The following ST6GALNAC3 variants were observed in gnomAD, a reference collection of about 807,000 sequenced individuals.
ST6GALNAC3 encodes alpha-N-acetylgalactosaminide alpha-2,6-sialyltransferase 3.
Under a neutral mutation model 32.7 loss-of-function variants are expected in ST6GALNAC3, and 25 were observed. That is an observed-to-expected ratio of 0.76 (90% CI 0.56 to 1.07). The LOEUF (loss-of-function observed/expected upper bound fraction) is 1.07, where lower values mean the gene tolerates loss of function less well. ST6GALNAC3 is among the 50% of genes least tolerant of loss of function. The pLI, the probability that ST6GALNAC3 is intolerant of heterozygous loss-of-function variation, is 0.00. For missense variants in ST6GALNAC3, 355 were observed against 382.4 expected (o/e 0.93, Z 0.60); for synonymous variants, 129 against 133.1 (o/e 0.97, Z 0.21).
intron 3 of ST6GALNAC3, among the ~76,000 whole-genome samples, chr1:76,502,538 T>C (rs1661233991): frequency 1.3e-5 from 2 of 152,140 alleles, no homozygotes; most frequent in Admixed American, 1.3e-4. Context: ...TTTCACTATA[T>C]CTCTTCACAT....
intron 3 of ST6GALNAC3, among the ~76,000 whole-genome samples, chr1:76,533,610 C>T (rs1663405314): frequency 6.6e-6 from 1 of 152,174 alleles, no homozygotes; most frequent in South Asian, 2.1e-4. Flanking sequence ...CCCTCCACTG[C>T]ACCTTTCCCT....
At chr1:76,515,199 A>G (rs577427374) in intron 3 of ST6GALNAC3, among the ~76,000 whole-genome samples, 4 of 152,198 alleles carry the variant, frequency 2.6e-5, no homozygotes, top group African/African-American at 9.6e-5. Context: ...TTCCTCACTC[A>G]TCATTGATCT....
chr1:76,151,371 G>T (rs1651029491), intron 1 of ST6GALNAC3, among the ~76,000 whole-genome samples: 1 of 152,166 alleles, frequency 6.6e-6, no homozygotes, highest in African/African-American at 2.4e-5. Flanking sequence ...TCACAGGCGT[G>T]GCTTAAAGAT....
At chr1:76,403,310 G>A (rs900969067) in intron 2 of ST6GALNAC3, among the ~76,000 whole-genome samples, 4 of 152,102 alleles carry the variant, frequency 2.6e-5, no homozygotes, top group African/African-American at 7.2e-5. Flanking sequence ...TCTTCAAAAT[G>A]TCTGACTTCT....
chr1:76,195,200 A>T (rs1040224826), intron 1 of ST6GALNAC3, among the ~76,000 whole-genome samples: 1 of 152,240 alleles, frequency 6.6e-6, no homozygotes, highest in South Asian at 2.1e-4. Flanking sequence ...AAGTGTTAAG[A>T]TTATTTCATT....
At chr1:76,412,447 C>G in intron 3 of ST6GALNAC3, 30 bp downstream of exon 3, 1 of 1,539,588 alleles carries the variant, frequency 6.5e-7, no homozygotes, top group Non-Finnish European at 8.7e-7. Flanking sequence ...GCTTTATTGT[C>G]TTTTATTATC....
chr1:76,590,368 G>A (rs1406771899), intron 3 of ST6GALNAC3, among the ~76,000 whole-genome samples: 2 of 152,206 alleles, frequency 1.3e-5, no homozygotes, highest in Non-Finnish European at 2.9e-5. Flanking sequence ...GTTGTCAGAT[G>A]TTTCAGTAAA....
intron 1 of ST6GALNAC3, among the ~76,000 whole-genome samples, chr1:76,092,429 A>C (rs1647060264): frequency 6.6e-6 from 1 of 152,228 alleles, no homozygotes; most frequent in South Asian, 2.1e-4. Context: ...CTTTCAAAAA[A>C]TAATAATGGC....
At chr1:76,176,705 C>T (rs555165337) in intron 1 of ST6GALNAC3, among the ~76,000 whole-genome samples, 15 of 152,004 alleles carry the variant, frequency 9.9e-5, no homozygotes, top group South Asian at 6.3e-4. Context: ...TCAATTTTGC[C>T]CTATATAAGA....
intron 1 of ST6GALNAC3, among the ~76,000 whole-genome samples, chr1:76,131,255 G>A (rs1052509210): frequency 4.6e-5 from 7 of 152,182 alleles, no homozygotes; most frequent in African/African-American, 1.7e-4. Context: ...GTTAGTCCTC[G>A]CATTGGTGAT....
chr1:76,156,343 C>T lies in ST6GALNAC3; in HGVS notation c.18+81459C>T, dbSNP rs114288431. Among the ~76,000 whole-genome samples, 456 of 152,268 alleles carry T rather than the reference C, an allele frequency of 3.0e-3. 3 individuals are homozygous for T. Among genetic ancestry groups the T allele is most frequent in the African/African-American group, 4.6e-3 (193 of 41,566 alleles). The stretch of plus-strand genomic sequence containing the variant: ...CAAGAAAGTGACCACGTGTAGTCCA[C>T]ACTTAAGGAGGGGGAGTTATATTCC... On this transcript the variant is annotated intron_variant, in intron 1 of 4. Coordinates refer to ENST00000328299, the MANE Select transcript of ST6GALNAC3 (RefSeq NM_152996.4).
At chr1:76,270,119 G>GTT (rs1272888139) in intron 1 of ST6GALNAC3, among the ~76,000 whole-genome samples, 1 of 152,138 alleles carries the variant, frequency 6.6e-6, no homozygotes, top group Non-Finnish European at 1.5e-5. Context: ...AATTCATAAA[G>GTT]TTGAAATTAT....
At chr1:76,152,394 T>C (rs1042301614) in intron 1 of ST6GALNAC3, among the ~76,000 whole-genome samples, 1 of 152,060 alleles carries the variant, frequency 6.6e-6, no homozygotes, top group Non-Finnish European at 1.5e-5. Flanking sequence ...TCCTGCCAGG[T>C]GGGTGATGAG....
rs990600688 is a variant in ST6GALNAC3, at chr1:76,629,170, A to G, written c.*364A>G. 6.9e-6 allele frequency: 7 copies of G among 1,020,896 alleles called. No individual in the cohort carries two copies. In the African/African-American group the frequency reaches 1.2e-4, roughly 18 times the overall value. The allele number at this position is 1,020,896 out of a possible 1,614,324, so 63.2% of individuals were successfully genotyped here. ...GTGAGTAACTTCCAGAAGCCAAAAG[A>G]GTTTGGCTTCATGAGGCAAGGTGAT... On this transcript the variant is annotated 3_prime_UTR_variant, in exon 5 of 5. Transcript: ENST00000328299.
chr1:76,286,054 C>T (rs1233451504), intron 1 of ST6GALNAC3, among the ~76,000 whole-genome samples: 2 of 152,190 alleles, frequency 1.3e-5, no homozygotes, highest in Admixed American at 6.5e-5. Flanking sequence ...GAACATTCTA[C>T]TGGAAGGAGG....
intron 1 of ST6GALNAC3, among the ~76,000 whole-genome samples, chr1:76,116,017 T>C (rs1648445935): frequency 6.6e-6 from 1 of 152,084 alleles, no homozygotes; most frequent in South Asian, 2.1e-4. Flanking sequence ...TGTTGTATGA[T>C]AGGAAAGAAG....
At chr1:76,473,775 C>A (rs1334747100) in intron 3 of ST6GALNAC3, among the ~76,000 whole-genome samples, 1 of 152,128 alleles carries the variant, frequency 6.6e-6, no homozygotes, top group Non-Finnish European at 1.5e-5. Context: ...TATTTCATCA[C>A]TCTTCCCATC....
At chr1:76,364,864 A>G (rs1008628496) in intron 2 of ST6GALNAC3, among the ~76,000 whole-genome samples, 1 of 152,206 alleles carries the variant, frequency 6.6e-6, no homozygotes, top group African/African-American at 2.4e-5. Context: ...AGATATGCTT[A>G]TACACTATTG....
intron 3 of ST6GALNAC3, among the ~76,000 whole-genome samples, chr1:76,430,809 T>C (rs1198616106): frequency 6.6e-6 from 1 of 152,090 alleles, no homozygotes; most frequent in Non-Finnish European, 1.5e-5. Flanking sequence ...TTAACAAATA[T>C]TTTTTTATGA....
Sources: allele counts gnomAD v4.1 joint callset (sites outside exome capture counted in the v4.1 genomes callset), GRCh38; gene constraint gnomAD v4.1.1; transcripts MANE v1.5; gene names NCBI Gene and HGNC (gene_info 2026-07-23, HGNC 2026-07-21).